UXS1: variants seen among roughly 807,000 people sequenced by gnomAD.
The protein encoded by UXS1 is UDP-glucuronate decarboxylase 1.
In UXS1, 33 loss-of-function variants were observed where a neutral mutation model predicts 62.6. The observed-to-expected ratio is 0.53, with a 90% CI of 0.40 to 0.70. UXS1 has a LOEUF of 0.70. UXS1 is among the 30% of genes least tolerant of loss of function. The pLI is 0.00. For synonymous variants in UXS1, 213 were observed against 206.8 expected (o/e 1.03, Z -0.26); for missense variants, 434 against 556.3 (o/e 0.78, Z 2.21).
intron 14 of UXS1, among the ~76,000 whole-genome samples, chr2:106,096,202 G>GTGTGTA (rs1553415319): frequency 9.9e-5 from 15 of 151,416 alleles, no homozygotes; most frequent in South Asian, 8.4e-4. Flanking sequence ...GTGTGTGTGT[G>GTGTGTA]TGTATGTATG....
intron 2 of UXS1, among the ~76,000 whole-genome samples, 172 bp downstream of exon 2, chr2:106,165,884 C>T (rs1683181520): frequency 6.6e-6 from 1 of 152,178 alleles, no homozygotes; most frequent in African/African-American, 2.4e-5. Flanking sequence ...AGCTGCATTC[C>T]TTGAGAATAC....
At chr2:106,161,530 C>T (rs1400972764) in intron 4 of UXS1, among the ~76,000 whole-genome samples, 1 of 152,160 alleles carries the variant, frequency 6.6e-6, no homozygotes, top group Non-Finnish European at 1.5e-5. Context: ...GCAGCAGAGG[C>T]ATGAGGCCTG....
intron 10 of UXS1, among the ~76,000 whole-genome samples, chr2:106,111,790 C>A (rs1002470593): frequency 6.6e-6 from 1 of 152,196 alleles, no homozygotes; most frequent in Non-Finnish European, 1.5e-5. Flanking sequence ...CAATTGATAA[C>A]AAACCATGCC....
intron 1 of UXS1, among the ~76,000 whole-genome samples, chr2:106,167,576 C>G (rs1443611696): frequency 6.6e-6 from 1 of 151,994 alleles, no homozygotes; most frequent in Admixed American, 6.6e-5. Context: ...CATAGAAGCA[C>G]ATCTCTCTTC....
chr2:106,179,968 G>A (rs952079986), intron 1 of UXS1, among the ~76,000 whole-genome samples: 2 of 152,124 alleles, frequency 1.3e-5, no homozygotes, highest in African/African-American at 4.8e-5. Flanking sequence ...AATTAGCCGG[G>A]CATGGTGGTG....
At chr2:106,176,817 T>C (rs1004813710) in intron 1 of UXS1, among the ~76,000 whole-genome samples, 9 of 152,228 alleles carry the variant, frequency 5.9e-5, no homozygotes, top group African/African-American at 1.9e-4. Context: ...GACCTCCCTG[T>C]GGTCCTCGCC....
chr2:106,101,914 T>C (rs1342007770), intron 11 of UXS1: 1 of 152,196 alleles, frequency 6.6e-6, no homozygotes, highest in African/African-American at 2.4e-5. Flanking sequence ...CTACGCCAAT[T>C]TTCCATGAGC....
At position 106,098,700 on chromosome 2, in the gene UXS1, G is replaced by C. The variant is rs1157274918; in HGVS notation, c.1042+16C>G. On this transcript the variant is annotated intron_variant, in intron 13 of 14. Coordinates refer to ENST00000283148, the MANE Select transcript of UXS1 (RefSeq NM_001253875.2). ...GCACAGTCGATTTTACTCAGGAAAT[G>C]ACTTATCCTACTTACCAACAAGGTT... 1 of 1,497,436 alleles carries C rather than the reference G, an allele frequency of 6.7e-7. No individual in the cohort carries two copies. Among genetic ancestry groups the C allele is most frequent in the Middle Eastern group, 1.7e-4 (1 of 5,770 alleles). The allele number at this position is 1,497,436 out of a possible 1,614,324, so 92.8% of individuals were successfully genotyped here.
intron 12 of UXS1, among the ~76,000 whole-genome samples, chr2:106,100,338 G>A (rs756079123): frequency 1.3e-5 from 2 of 152,188 alleles, no homozygotes; most frequent in African/African-American, 2.4e-5. Flanking sequence ...GGCAGCTTAG[G>A]GGGTAGGACC....
intron 8 of UXS1, 63 bp from the exon 9 acceptor site, chr2:106,123,154 C>T (rs1314358954): frequency 1.3e-6 from 2 of 1,599,322 alleles, no homozygotes; most frequent in Non-Finnish European, 1.7e-6. Context: ...ATCAATAATG[C>T]ATATTTATGA....
chr2:106,129,556 A>G (rs1239925378), intron 7 of UXS1, 118 bp downstream of exon 7: 1 of 856,462 alleles, frequency 1.2e-6, no homozygotes, highest in Non-Finnish European at 1.9e-6. Context: ...AAGCAGGGCA[A>G]TAAGGGACGA....
At position 106,095,854 on chromosome 2, in the gene UXS1, G is replaced by A. The variant is rs200234785; in HGVS notation, c.1146+864C>T. ...GCCCTGAGGACGAGCGTTCTCTGGC[G>A]GGGAGGAGCCTGCAGTCACCCAAGG... On this transcript the variant is annotated intron_variant, in intron 14 of 14. Coordinates refer to ENST00000283148, the MANE Select transcript of UXS1 (RefSeq NM_001253875.2). 1.1e-4 allele frequency among the ~76,000 whole-genome samples: 17 copies of A among 152,314 alleles called. No individual in the cohort carries two copies. The East Asian group carries it at 2.9e-3, about 26-fold the overall frequency.
At chr2:106,108,956 ATCACCCTCGACATC>A (rs1678340894) in intron 10 of UXS1, among the ~76,000 whole-genome samples, 1 of 144,560 alleles carries the variant, frequency 6.9e-6, no homozygotes, top group Non-Finnish European at 1.5e-5. Flanking sequence ...TCGATATCTG[ATCACCCTCGACATC>A]TGACATTCCT....
chr2:106,192,180 C>T (rs1684974201), intron 1 of UXS1, among the ~76,000 whole-genome samples: 1 of 152,218 alleles, frequency 6.6e-6, no homozygotes, highest in East Asian at 1.9e-4. Context: ...AGTTTTAGCA[C>T]CCCATGGTGT....
intron 1 of UXS1, among the ~76,000 whole-genome samples, chr2:106,171,033 A>G (rs1248840117): frequency 1.3e-5 from 2 of 152,260 alleles, no homozygotes; most frequent in African/African-American, 4.8e-5. Flanking sequence ...CAAAGGGCTT[A>G]TAACTGAATG....
chr2:106,158,860 C>T (rs1309064146), intron 4 of UXS1, among the ~76,000 whole-genome samples: 1 of 152,276 alleles, frequency 6.6e-6, no homozygotes, highest in African/African-American at 2.4e-5. Flanking sequence ...CCTAAGGAAA[C>T]GGTATTTGAG....
chr2:106,163,667 CT>C lies in UXS1; in HGVS notation c.229del (p.Ser77AlafsTer9). 3 of 1,462,664 alleles carry C rather than the reference CT, an allele frequency of 2.1e-6. No homozygotes were observed. Among genetic ancestry groups the C allele is most frequent in the South Asian group, 1.4e-5 (1 of 73,070 alleles). 90.6% of individuals were successfully genotyped at this position (1,462,664 alleles called of 1,614,324 possible). On this transcript the variant is annotated frameshift_variant and splice_region_variant, in exon 4 of 15. Coordinates refer to ENST00000283148, the MANE Select transcript of UXS1 (RefSeq NM_001253875.2). LOFTEE classifies it high-confidence loss of function. ...LREKIRDLEK[S>X]FTQKYPPVKF... is the part of the protein sequence containing the mutation. ...ACTTTAAGACAAAAAGTACACATAC[CT>C]TTTTTCTAAATCTCTGATTTTCTCT...
At chr2:106,155,627 A>C (rs1425376428) in intron 5 of UXS1, among the ~76,000 whole-genome samples, 1 of 152,208 alleles carries the variant, frequency 6.6e-6, no homozygotes, top group African/African-American at 2.4e-5. Context: ...CATACCATGT[A>C]GCCTAAGTGT....
chr2:106,120,973 G>C (rs986974913), intron 9 of UXS1, among the ~76,000 whole-genome samples: 2 of 152,140 alleles, frequency 1.3e-5, no homozygotes, highest in Non-Finnish European at 2.9e-5. Context: ...CAGTTTTCAG[G>C]GCAACGCTGC....
Sources: allele counts gnomAD v4.1 joint callset (sites outside exome capture counted in the v4.1 genomes callset), GRCh38; gene constraint gnomAD v4.1.1; transcripts MANE v1.5; gene names NCBI Gene and HGNC (gene_info 2026-07-23, HGNC 2026-07-21).